Variants in PREX1 observed in about 807,000 individuals in gnomAD.
PREX1 encodes phosphatidylinositol-3,4,5-trisphosphate dependent Rac exchange factor 1, also known as phosphatidylinositol 3,4,5-trisphosphate-dependent Rac exchanger 1 protein.
Under a neutral mutation model 198.3 loss-of-function variants are expected in PREX1, and 41 were observed. The ratio of observed to expected loss-of-function variants is 0.21; its 90% CI spans 0.16 to 0.27. The LOEUF (loss-of-function observed/expected upper bound fraction) is 0.27, where lower values mean the gene tolerates loss of function less well. Ranked by LOEUF, PREX1 falls within the 10% of genes least tolerant of loss-of-function variation. The pLI is 1.00. For missense variants in PREX1, 1,620 were observed against 2,200.7 expected, an observed-to-expected ratio of 0.74 and a Z score of 5.28; for synonymous variants, 843 against 887.2, an observed-to-expected ratio of 0.95 and a Z score of 0.89.
the PREX1 span, among the ~76,000 whole-genome samples, chr20:48,834,012 C>T: frequency 2.0e-5 from 3 of 151,402 alleles, no homozygotes; most frequent in South Asian, 2.1e-4. Context: ...ACCCGGGAGG[C>T]GGAGATTGCA....
Position 48,756,093 on chromosome 20 carries a change from G to T in PREX1, c.220-8213C>A, listed in dbSNP as rs11906965. 2.4e-3 allele frequency among the ~76,000 whole-genome samples: 366 copies of T among 152,286 alleles called. 3 individuals are homozygous for T. The highest frequency in any genetic ancestry group is 8.4e-3 in the African/African-American group (351 of 41,550). On this transcript the variant is annotated intron_variant, in intron 1 of 39. Coordinates refer to ENST00000371941, the MANE Select transcript of PREX1 (RefSeq NM_020820.4). ...AACAGAGCAGCGGCAAGGCAAATAT[G>T]AGATGGAAAGATTTACCTTCTGCAG... is the stretch of plus-strand genomic sequence containing the variant.
At chr20:48,861,328 C>T in the PREX1 span, among the ~76,000 whole-genome samples, 2 of 152,198 alleles carry the variant, frequency 1.3e-5, no homozygotes, top group African/African-American at 2.4e-5. Context: ...GGCTGGACTT[C>T]GCAAGTTGTC....
chr20:48,699,254 C>T (rs781332402), intron 7 of PREX1, among the ~76,000 whole-genome samples: 10 of 152,302 alleles, frequency 6.6e-5, no homozygotes, highest in Non-Finnish European at 1.3e-4. Flanking sequence ...GGGCCTAAGA[C>T]CTGGACCTCA....
chr20:48,661,456 T>TAC (rs1371537632), intron 15 of PREX1, among the ~76,000 whole-genome samples: 1 of 103,298 alleles, frequency 9.7e-6, no homozygotes, highest in African/African-American at 5.2e-5. Context: ...TATATATATA[T>TAC]ATATATATAT....
intron 5 of PREX1, among the ~76,000 whole-genome samples, chr20:48,724,509 G>A (rs917533470): frequency 6.6e-6 from 1 of 152,152 alleles, no homozygotes; most frequent in Non-Finnish European, 1.5e-5. Context: ...CTCATCCAGG[G>A]GTCAGCACAT....
At chr20:48,728,200 G>C (rs1387103437) in intron 4 of PREX1, among the ~76,000 whole-genome samples, 1 of 152,186 alleles carries the variant, frequency 6.6e-6, no homozygotes, top group Non-Finnish European at 1.5e-5. Flanking sequence ...CCAAGCACTG[G>C]GGGGCTGCCC....
At chr20:48,846,863 C>T in the PREX1 span, among the ~76,000 whole-genome samples, 1 of 152,190 alleles carries the variant, frequency 6.6e-6, no homozygotes, top group Non-Finnish European at 1.5e-5. Flanking sequence ...CCCCACCCAC[C>T]CACGTGCCTC....
chr20:48,665,261 G>A (rs536033305), intron 15 of PREX1, among the ~76,000 whole-genome samples: 20 of 138,684 alleles, frequency 1.4e-4, no homozygotes, highest in East Asian at 6.5e-4. Context: ...TTCTAATCCC[G>A]CCCCAGACGG....
At chr20:48,698,362 G>A (rs1193136068) in intron 7 of PREX1, among the ~76,000 whole-genome samples, 1 of 152,148 alleles carries the variant, frequency 6.6e-6, no homozygotes, top group African/African-American at 2.4e-5. Flanking sequence ...AGGCCTAAAG[G>A]GACGTTCTGT....
chr20:48,641,267 C>A (rs1387257063), intron 29 of PREX1, among the ~76,000 whole-genome samples: 2 of 152,152 alleles, frequency 1.3e-5, no homozygotes, highest in Admixed American at 6.5e-5. Context: ...GAACAAAGAG[C>A]CCTTGGCAGG....
At chr20:48,719,653 T>A (rs963697889) in intron 5 of PREX1, among the ~76,000 whole-genome samples, 1 of 152,032 alleles carries the variant, frequency 6.6e-6, no homozygotes, top group Non-Finnish European at 1.5e-5. Context: ...CTCTGGGAAA[T>A]CAAAAGGACA....
chr20:48,673,773 C>T (rs761613427), intron 14 of PREX1, among the ~76,000 whole-genome samples: 25 of 152,206 alleles, frequency 1.6e-4, no homozygotes, highest in Non-Finnish European at 3.2e-4. Context: ...TTCTATATTG[C>T]ATGTAATCTT....
the PREX1 span, among the ~76,000 whole-genome samples, chr20:48,884,476 T>C: frequency 6.6e-6 from 1 of 152,214 alleles, no homozygotes; most frequent in African/African-American, 2.4e-5. Flanking sequence ...AACAATGAGT[T>C]TGGACTCCTT....
intron 7 of PREX1, among the ~76,000 whole-genome samples, chr20:48,697,542 G>A (rs912777625): frequency 6.6e-6 from 1 of 151,980 alleles, no homozygotes; most frequent in Non-Finnish European, 1.5e-5. Flanking sequence ...CACCACACCT[G>A]GCTAATTTTT....
intron 1 of PREX1, among the ~76,000 whole-genome samples, chr20:48,751,191 G>A (rs140742971): frequency 1.3e-5 from 2 of 152,318 alleles, no homozygotes; most frequent in East Asian, 3.9e-4. Context: ...TCCTGTTTTT[G>A]AAACGACAAT....
In PREX1 at chr20:48,625,904, G is replaced by A. The variant is rs1000110812; in HGVS notation, c.4961C>T (p.Pro1654Leu). ...GGGTGTTCAGAGGTCCCCATCCACCGGCGGCTGGCAGAGGCGGTAGAGGCT... is the reference window on the plus strand; with the variant it reads ...GGGTGTTCAGAGGTCCCCATCCACCAGCGGCTGGCAGAGGCGGTAGAGGCT... ...APRLYRLCQP[P>L]VDGDL The change falls in exon 40 of 40, where the codon CCG becomes CTG. Residue 1654 changes from proline to leucine, a missense_variant. By Grantham distance (98) the Pro-to-Leu change is moderately conservative. Transcript: ENST00000371941. 12 of 1,564,840 alleles carry A rather than the reference G, an allele frequency of 7.7e-6. No individual in the cohort carries two copies. Among genetic ancestry groups the A allele is most frequent in the Middle Eastern group, 1.7e-4 (1 of 5,954 alleles).
chr20:48,661,447 ATATAT>A (rs1568809919), intron 15 of PREX1, among the ~76,000 whole-genome samples: 53 of 91,946 alleles, frequency 5.8e-4, no homozygotes, highest in African/African-American at 6.0e-4. Context: ...AAAAAAAAAT[ATATAT>A]ATATATATAT....
intron 39 of PREX1, among the ~76,000 whole-genome samples, chr20:48,627,197 G>C (rs892335384): frequency 1.3e-5 from 2 of 151,926 alleles, no homozygotes; most frequent in Admixed American, 1.3e-4. Flanking sequence ...AGGGACTCAG[G>C]GTAGGGGGCA....
intron 5 of PREX1, among the ~76,000 whole-genome samples, chr20:48,712,231 T>C (rs2089935121): frequency 6.6e-6 from 1 of 152,118 alleles, no homozygotes; most frequent in Non-Finnish European, 1.5e-5. Context: ...CTATCCCCAC[T>C]TGACAGATGA....
Sources: allele counts gnomAD v4.1 joint callset (sites outside exome capture counted in the v4.1 genomes callset), GRCh38; gene constraint gnomAD v4.1.1; transcripts MANE v1.5; gene names NCBI Gene and HGNC (gene_info 2026-07-23, HGNC 2026-07-21).